Variants in TENM3 observed in about 807,000 individuals in gnomAD.
TENM3 encodes teneurin transmembrane protein 3.
Under a neutral mutation model 255.1 loss-of-function variants are expected in TENM3, and 63 were observed. That is an observed-to-expected ratio of 0.25 (90% CI 0.20 to 0.30). The LOEUF is 0.30. Ranked by LOEUF, TENM3 falls within the 10% of genes least tolerant of loss-of-function variation. The pLI, the probability that TENM3 is intolerant of heterozygous loss-of-function variation, is 1.00. For synonymous variants in TENM3, 1,306 were observed against 1,322.3 expected, an observed-to-expected ratio of 0.99 and a Z score of 0.27; for missense variants, 2,929 against 3,461.1, an observed-to-expected ratio of 0.85 and a Z score of 3.86.
intron 3 of TENM3, among the ~76,000 whole-genome samples, chr4:182,363,468 A>C (rs542052236): frequency 2.6e-5 from 4 of 151,956 alleles, no homozygotes; most frequent in Non-Finnish European, 5.9e-5. Flanking sequence ...GGACTAAGTT[A>C]ATAGCTAGGA....
the TENM3 span, among the ~76,000 whole-genome samples, chr4:181,607,596 G>T: frequency 2.5e-4 from 38 of 151,878 alleles, no homozygotes; most frequent in African/African-American, 8.7e-4. Context: ...GTAGAGACGG[G>T]GTTTCACCAT....
intron 22 of TENM3, among the ~76,000 whole-genome samples, chr4:182,773,267 G>A (rs552346621): frequency 5.9e-5 from 9 of 152,258 alleles, no homozygotes; most frequent in East Asian, 5.8e-4. Flanking sequence ...CTGTTTACTC[G>A]TGTTCTCACC....
At chr4:182,487,312 T>G (rs141103388) in intron 3 of TENM3, among the ~76,000 whole-genome samples, 2 of 152,322 alleles carry the variant, frequency 1.3e-5, no homozygotes, top group African/African-American at 4.8e-5. Flanking sequence ...TACTATTATT[T>G]TGTGTACTTG....
At chr4:181,816,677 A>C in the TENM3 span, among the ~76,000 whole-genome samples, 2 of 152,152 alleles carry the variant, frequency 1.3e-5, no homozygotes, top group African/African-American at 2.4e-5. Flanking sequence ...CTCAGTTGAT[A>C]ATGCCACCCA....
the TENM3 span, among the ~76,000 whole-genome samples, chr4:181,474,567 C>G: frequency 2.0e-5 from 3 of 151,836 alleles, no homozygotes; most frequent in Non-Finnish European, 2.9e-5. Context: ...AACGCCATCT[C>G]TACTAAAAAC....
chr4:181,527,072 G>GCAAC, the TENM3 span, among the ~76,000 whole-genome samples: 1 of 151,950 alleles, frequency 6.6e-6, no homozygotes, highest in African/African-American at 2.4e-5. Context: ...GGCCCCCTGT[G>GCAAC]CGACCAGTCA....
At chr4:181,907,876 A>G in the TENM3 span, among the ~76,000 whole-genome samples, 2 of 152,194 alleles carry the variant, frequency 1.3e-5, no homozygotes, top group African/African-American at 2.4e-5. Context: ...TCTGAAATGC[A>G]TAAGACACTC....
chr4:182,367,447 A>G (rs4862042), intron 3 of TENM3, among the ~76,000 whole-genome samples: 151,812 of 152,330 alleles, frequency 1, 75,648 homozygotes, highest in Middle Eastern at 1. Flanking sequence ...TGAACAATGA[A>G]TGGACTATAT....
chr4:182,042,069 G>A, the TENM3 span, among the ~76,000 whole-genome samples: 103 of 152,272 alleles, frequency 6.8e-4, no homozygotes, highest in Non-Finnish European at 4.0e-4. Flanking sequence ...TATAGAGTGT[G>A]TATGGTGTGG....
At chr4:181,887,480 T>G in the TENM3 span, among the ~76,000 whole-genome samples, 2 of 152,208 alleles carry the variant, frequency 1.3e-5, no homozygotes, top group African/African-American at 2.4e-5. Flanking sequence ...TTTTTTCCGT[T>G]TAGTTCTCTT....
At position 182,800,045 on chromosome 4, in the gene TENM3, G is replaced by A. The variant is rs1429111343; in HGVS notation, c.7794G>A (p.Met2598Ile). Residue 2598 changes from methionine to isoleucine, a missense_variant, in exon 28 of 28, where the codon ATG becomes ATA. Met to Ile is a conservative substitution (Grantham distance 10, BLOSUM62 1). This residue lies in a region of TENM3 where 476 missense variants were observed against 480.1 expected (regional missense o/e 0.99). Coordinates refer to ENST00000511685, the MANE Select transcript of TENM3 (RefSeq NM_001080477.4). ...GRTRRFADVE[M>I]QFGALALHVR... ...CGCGCAGGTTCGCGGACGTGGAGAT[G>A]CAGTTCGGCGCGCTGGCGCTGCACG... The A allele has an allele frequency of 1.2e-6, 2 of 1,600,854 alleles. No homozygotes were observed. The highest frequency in any genetic ancestry group is 1.7e-5 in the Admixed American group (1 of 58,638).
chr4:181,661,990 C>G, the TENM3 span, among the ~76,000 whole-genome samples: 1 of 152,038 alleles, frequency 6.6e-6, no homozygotes, highest in Non-Finnish European at 1.5e-5. Context: ...ATAACAGACT[C>G]CAATTGTTTC....
intron 3 of TENM3, among the ~76,000 whole-genome samples, chr4:182,499,101 C>T (rs940319614): frequency 3.9e-5 from 6 of 152,080 alleles, no homozygotes; most frequent in Non-Finnish European, 7.3e-5. Flanking sequence ...AGTTTGTGGT[C>T]ATTCAATGTA....
At chr4:181,581,430 G>A in the TENM3 span, among the ~76,000 whole-genome samples, 4 of 151,994 alleles carry the variant, frequency 2.6e-5, no homozygotes, top group Admixed American at 6.6e-5. Flanking sequence ...GACAGAGAGA[G>A]ACTCCATCTC....
the TENM3 span, among the ~76,000 whole-genome samples, chr4:181,928,479 G>GA: frequency 3.3e-5 from 5 of 151,786 alleles, no homozygotes; most frequent in Admixed American, 2.6e-4. Flanking sequence ...CAAGATTGGA[G>GA]AAAAAAGAAT....
At chr4:181,592,136 A>G in the TENM3 span, among the ~76,000 whole-genome samples, 4 of 152,088 alleles carry the variant, frequency 2.6e-5, no homozygotes, top group Non-Finnish European at 4.4e-5. Context: ...TATGTTCACT[A>G]TCTTGACTGT....
At chr4:182,639,212 T>G (rs964377689) in intron 5 of TENM3, among the ~76,000 whole-genome samples, 2 of 152,228 alleles carry the variant, frequency 1.3e-5, no homozygotes, top group Non-Finnish European at 2.9e-5. Context: ...ACAATTTATT[T>G]TTAAAATACT....
At chr4:181,529,426 T>C in the TENM3 span, among the ~76,000 whole-genome samples, 82 of 152,216 alleles carry the variant, frequency 5.4e-4, no homozygotes, top group African/African-American at 3.9e-4. Flanking sequence ...TTCTCTTCAG[T>C]AAGAAGGATT....
chr4:182,517,079 T>A (rs1237930254), intron 3 of TENM3, among the ~76,000 whole-genome samples: 2 of 152,130 alleles, frequency 1.3e-5, no homozygotes, highest in Admixed American at 1.3e-4. Context: ...TGACTGATTC[T>A]TAGATTTTCA....
Sources: allele counts gnomAD v4.1 joint callset (sites outside exome capture counted in the v4.1 genomes callset), GRCh38; gene constraint gnomAD v4.1.1; regional missense constraint gnomAD v4.1.1; transcripts MANE v1.5; gene names NCBI Gene and HGNC (gene_info 2026-07-23, HGNC 2026-07-21).